The following PRDM11 variants were observed in gnomAD, a reference collection of about 807,000 sequenced individuals.
PRDM11 encodes the protein PR/SET domain 11.
In PRDM11, 20 loss-of-function variants were observed where a neutral mutation model predicts 97.8. That is an observed-to-expected ratio of 0.20 (90% CI 0.14 to 0.30). The LOEUF is 0.30. PRDM11 is among the 10% of genes least tolerant of loss of function. The pLI, the probability that PRDM11 is intolerant of heterozygous loss-of-function variation, is 1.00. For synonymous variants in PRDM11, 599 were observed against 637.7 expected, an observed-to-expected ratio of 0.94 and a Z score of 0.91; for missense variants, 1,139 against 1,555.2, an observed-to-expected ratio of 0.73 and a Z score of 4.50.
At chr11:45,213,036 A>G (rs1486476214) in intron 5 of PRDM11, 4 of 424,530 alleles carry the variant, frequency 9.4e-6, no homozygotes, top group Non-Finnish European at 1.9e-5. Flanking sequence ...AGAAAGCACA[A>G]TTTCTAACCC....
At chr11:45,166,964 A>G (rs1042137500) in intron 1 of PRDM11, among the ~76,000 whole-genome samples, 5 of 152,358 alleles carry the variant, frequency 3.3e-5, no homozygotes, top group Admixed American at 6.5e-5. Context: ...CTCTGAAATC[A>G]TCTCATTCTT....
At chr11:45,094,701 A>C (rs1417963207), upstream of PRDM11, among the ~76,000 whole-genome samples, 2 of 116,568 alleles carry the variant, frequency 1.7e-5, no homozygotes, top group Non-Finnish European at 3.5e-5. Flanking sequence ...GAAGGAAGGA[A>C]GGGAGGGAGG....
chr11:45,205,389 C>T (rs1853470813), intron 5 of PRDM11, among the ~76,000 whole-genome samples: 1 of 152,120 alleles, frequency 6.6e-6, no homozygotes, highest in South Asian at 2.1e-4. Flanking sequence ...GAGCCCAGAA[C>T]CATGGGTCCA....
intron 1 of PRDM11, among the ~76,000 whole-genome samples, chr11:45,180,035 G>A (rs540012148): frequency 2.6e-5 from 4 of 152,224 alleles, no homozygotes; most frequent in Non-Finnish European, 5.9e-5. Context: ...GCGATTGTTC[G>A]GTAGAGGACT....
chr11:45,195,890 T>C (rs1853106512), intron 4 of PRDM11, among the ~76,000 whole-genome samples: 1 of 152,244 alleles, frequency 6.6e-6, no homozygotes, highest in African/African-American at 2.4e-5. Flanking sequence ...CATTCCCTTT[T>C]ATGGCCTAAA....
chr11:45,222,918 G>A (rs1854159266), intron 6 of PRDM11, among the ~76,000 whole-genome samples: 1 of 152,180 alleles, frequency 6.6e-6, no homozygotes, highest in South Asian at 2.1e-4. Context: ...GCTACTTTCA[G>A]GACCCTCTAA....
At chr11:45,189,834 G>A (rs1175495452) in intron 4 of PRDM11, among the ~76,000 whole-genome samples, 1 of 152,156 alleles carries the variant, frequency 6.6e-6, no homozygotes, top group Non-Finnish European at 1.5e-5. Context: ...GGACAGGCAG[G>A]TGTTACCAAG....
chr11:45,108,659 G>C (rs947351758), intron 1 of PRDM11, among the ~76,000 whole-genome samples: 1 of 152,172 alleles, frequency 6.6e-6, no homozygotes, highest in Non-Finnish European at 1.5e-5. Flanking sequence ...TTCAGGGAAT[G>C]TGGTGCCCAG....
chr11:45,224,160 G>A, intron 6 of PRDM11, 57 bp from the exon 7 acceptor site: 1 of 1,515,916 alleles, frequency 6.6e-7, no homozygotes, highest in Non-Finnish European at 8.8e-7. Flanking sequence ...GTTTTCTGTT[G>A]GTTTCTCCAA....
At chr11:45,182,385 T>A in intron 3 of PRDM11, 36 bp downstream of exon 3, 1 of 1,565,754 alleles carries the variant, frequency 6.4e-7, no homozygotes, top group Non-Finnish European at 8.8e-7. Flanking sequence ...TGCTCCTCCC[T>A]TCACCCCCAT....
At chr11:45,165,183 C>A (rs968995672) in intron 1 of PRDM11, among the ~76,000 whole-genome samples, 2 of 152,202 alleles carry the variant, frequency 1.3e-5, no homozygotes, top group Non-Finnish European at 2.9e-5. Context: ...CAAGCTGCCT[C>A]TTGCCAGTGG....
At chr11:45,200,015 C>T (rs1023357097) in intron 4 of PRDM11, among the ~76,000 whole-genome samples, 4 of 152,316 alleles carry the variant, frequency 2.6e-5, no homozygotes, top group East Asian at 1.9e-4. Flanking sequence ...TTCTGCGTCC[C>T]GCTAGGCTGT....
At chr11:45,118,577 A>C (rs1852353016) in intron 1 of PRDM11, among the ~76,000 whole-genome samples, 1 of 152,256 alleles carries the variant, frequency 6.6e-6, no homozygotes, top group African/African-American at 2.4e-5. Flanking sequence ...TGGAATAAAG[A>C]GGAAATATCA....
At chr11:45,097,279 A>G (rs1851898331) in intron 1 of PRDM11, among the ~76,000 whole-genome samples, 1 of 152,110 alleles carries the variant, frequency 6.6e-6, no homozygotes, top group Admixed American at 6.5e-5. Flanking sequence ...GCTGAGCCTC[A>G]ATTTCCTTGT....
intron 4 of PRDM11, among the ~76,000 whole-genome samples, chr11:45,194,590 CTGTTTTTTTT>C (rs1313203938): frequency 1.3e-4 from 12 of 89,992 alleles, no homozygotes; most frequent in Admixed American, 1.0e-3. Context: ...TTATTATCTT[CTGTTTTTTTT>C]TTTTTTTTTT....
chr11:45,106,378 C>T (rs1013219501), intron 1 of PRDM11, among the ~76,000 whole-genome samples: 1 of 152,286 alleles, frequency 6.6e-6, no homozygotes, highest in African/African-American at 2.4e-5. Context: ...ATGGGTCCCA[C>T]CACCCTCAGG....
intron 1 of PRDM11, among the ~76,000 whole-genome samples, chr11:45,137,889 G>T (rs1379231637): frequency 3.3e-5 from 5 of 152,300 alleles, no homozygotes; most frequent in African/African-American, 9.6e-5. Context: ...CTAGACTTAT[G>T]ACTCTCAACC....
intron 1 of PRDM11, among the ~76,000 whole-genome samples, chr11:45,173,489 G>A (rs1852252159): frequency 6.6e-6 from 1 of 152,030 alleles, no homozygotes; most frequent in Admixed American, 6.5e-5. Flanking sequence ...GGGCGTGGTG[G>A]CGCACGGCTG....
chr11:45,176,310 G>C (rs1590406984), intron 1 of PRDM11, among the ~76,000 whole-genome samples: 1 of 152,248 alleles, frequency 6.6e-6, no homozygotes, highest in East Asian at 1.9e-4. Flanking sequence ...CCAGGAGGCA[G>C]AAGTTGCAAT....
Sources: allele counts gnomAD v4.1 joint callset (sites outside exome capture counted in the v4.1 genomes callset), GRCh38; gene constraint gnomAD v4.1.1; transcripts MANE v1.5; gene names NCBI Gene and HGNC (gene_info 2026-07-23, HGNC 2026-07-21).